Variants in IQSEC1 observed in about 807,000 individuals in gnomAD.
IQSEC1 encodes IQ motif and SEC7 domain-containing protein 1.
IQSEC1 carries 31 observed loss-of-function variants against 91.0 expected under a neutral mutation model. That is an observed-to-expected ratio of 0.34 (90% CI 0.26 to 0.46). The LOEUF is 0.46. Among genes scored for constraint, IQSEC1 ranks in the 20% least tolerant of loss-of-function variants. The pLI is 1.00. For missense variants in IQSEC1, 1,388 were observed against 1,575.6 expected (o/e 0.88, Z 2.02); for synonymous variants, 699 against 662.6 (o/e 1.05, Z -0.84).
intron 1 of IQSEC1, among the ~76,000 whole-genome samples, chr3:12,995,410 C>T (rs550194298): frequency 6.6e-6 from 1 of 152,362 alleles, no homozygotes; most frequent in South Asian, 2.1e-4. Flanking sequence ...CAGAAAGGCA[C>T]AGACGGATCA....
rs77473787 is a variant in IQSEC1, at chr3:12,969,304, G to A, written c.24-27439C>T. The stretch of plus-strand genomic sequence containing the variant: ...ATTTTTCTCCAAAGACAATCTACAA[G>A]TGGCCAATAAGCCCATGAAAAGATG... On this transcript the variant is annotated intron_variant, in intron 1 of 13. Transcript: ENST00000613206. Among the ~76,000 whole-genome samples the A allele has an allele frequency of 7.3e-3, 1,119 of 152,250 alleles. 16 individuals are homozygous for A. Among genetic ancestry groups the A allele is most frequent in the African/African-American group, 0.026 (1,078 of 41,544 alleles).
chr3:12,954,019 C>T (rs531032938), intron 1 of IQSEC1, among the ~76,000 whole-genome samples: 7 of 152,340 alleles, frequency 4.6e-5, no homozygotes, highest in East Asian at 1.9e-4. Context: ...AGCGCGTAGT[C>T]GGGTGGGGGA....
chr3:13,232,620 A>G (rs6767561), intron 1 of IQSEC1, among the ~76,000 whole-genome samples: 104,821 of 152,104 alleles, frequency 0.69, 37,636 homozygotes, highest in African/African-American at 0.89. Flanking sequence ...ACAGTCCACG[A>G]AAGTGAGCTG....
At chr3:12,953,569 C>T (rs1229952597) in intron 1 of IQSEC1, among the ~76,000 whole-genome samples, 1 of 152,180 alleles carries the variant, frequency 6.6e-6, no homozygotes, top group Non-Finnish European at 1.5e-5. Flanking sequence ...CTGACTGATC[C>T]AACATTGAGC....
At chr3:13,148,847 T>G (rs369796767) in intron 2 of IQSEC1, among the ~76,000 whole-genome samples, 1 of 152,264 alleles carries the variant, frequency 6.6e-6, no homozygotes, top group Admixed American at 6.5e-5. Flanking sequence ...TTAAAGGGGC[T>G]GAGAATGCAG....
At chr3:13,239,723 G>A (rs764676668) in intron 1 of IQSEC1, among the ~76,000 whole-genome samples, 11 of 152,258 alleles carry the variant, frequency 7.2e-5, no homozygotes, top group Non-Finnish European at 1.5e-4. Flanking sequence ...CACTGGACAC[G>A]TGGTACCACA....
chr3:13,134,822 A>G (rs1706680792), intron 2 of IQSEC1, among the ~76,000 whole-genome samples: 1 of 152,150 alleles, frequency 6.6e-6, no homozygotes, highest in African/African-American at 2.4e-5. Flanking sequence ...GAAGCAGTCA[A>G]GAGTCCCCAC....
chr3:13,254,975 A>T (rs1695261216), intron 1 of IQSEC1, among the ~76,000 whole-genome samples: 1 of 152,148 alleles, frequency 6.6e-6, no homozygotes, highest in Non-Finnish European at 1.5e-5. Context: ...GACAAGGCAC[A>T]TCCACACAGC....
intron 2 of IQSEC1, among the ~76,000 whole-genome samples, chr3:13,084,253 T>C (rs1457961470): frequency 6.6e-6 from 1 of 152,036 alleles, no homozygotes; most frequent in African/African-American, 2.4e-5. Context: ...ACACGGCAGG[T>C]CACCCAGCCC....
chr3:13,223,359 G>A (rs566356399), intron 1 of IQSEC1, among the ~76,000 whole-genome samples: 1 of 152,158 alleles, frequency 6.6e-6, no homozygotes, highest in Non-Finnish European at 1.5e-5. Flanking sequence ...GGAGGTCCCC[G>A]GGTCTCTGCT....
At position 13,205,227 on chromosome 3, in the gene IQSEC1, C is replaced by T. The variant is rs114973923; in HGVS notation, c.273-41094G>A. Reference sequence around the variant, plus strand: ...CAGGAAGGCTACAGCAGCAAGCCGACGTGTTCATGTTCTCAAAATTGGACC... The same window carrying T: ...CAGGAAGGCTACAGCAGCAAGCCGATGTGTTCATGTTCTCAAAATTGGACC... On this transcript the variant is annotated intron_variant, in intron 1 of 15. Transcript: ENST00000648114. Among the ~76,000 whole-genome samples, 308 of 152,198 alleles carry T rather than the reference C, an allele frequency of 2.0e-3. 1 individual carries two copies. The highest frequency in any genetic ancestry group is 7.0e-3 in the African/African-American group (291 of 41,496).
chr3:12,968,700 A>G (rs1700755783), intron 1 of IQSEC1, among the ~76,000 whole-genome samples: 1 of 152,218 alleles, frequency 6.6e-6, no homozygotes, highest in Non-Finnish European at 1.5e-5. Context: ...CACCTGTGGA[A>G]TGCCTAGACG....
At chr3:13,076,457 C>G (rs1051573578), upstream of IQSEC1, among the ~76,000 whole-genome samples, 3 of 152,210 alleles carry the variant, frequency 2.0e-5, no homozygotes, top group Admixed American at 2.0e-4. Context: ...TGCAGATCGG[C>G]TCACTCCTGC....
At chr3:12,988,372 G>A (rs1310490889) in intron 1 of IQSEC1, among the ~76,000 whole-genome samples, 2 of 152,108 alleles carry the variant, frequency 1.3e-5, no homozygotes, top group African/African-American at 2.4e-5. Flanking sequence ...CTGAGATTGC[G>A]CCAATGCACT....
At chr3:12,971,383 T>C (rs1215740451) in intron 1 of IQSEC1, among the ~76,000 whole-genome samples, 5 of 152,282 alleles carry the variant, frequency 3.3e-5, no homozygotes, top group African/African-American at 4.8e-5. Context: ...CATGTGCACA[T>C]AGAGGCATGC....
intron 2 of IQSEC1, among the ~76,000 whole-genome samples, chr3:13,155,229 A>T (rs1707065716): frequency 1.3e-5 from 2 of 152,208 alleles, no homozygotes; most frequent in Admixed American, 6.5e-5. Context: ...AGATTGACAA[A>T]ATTGACGATT....
At chr3:13,161,825 AC>A (rs1707181880) in intron 2 of IQSEC1, among the ~76,000 whole-genome samples, 1 of 151,882 alleles carries the variant, frequency 6.6e-6, no homozygotes, top group African/African-American at 2.4e-5. Flanking sequence ...CTGTCTGTGC[AC>A]CCTGCTGGGA....
chr3:13,192,547 G>A (rs1286541552), intron 1 of IQSEC1, among the ~76,000 whole-genome samples: 1 of 152,170 alleles, frequency 6.6e-6, no homozygotes, highest in Non-Finnish European at 1.5e-5. Flanking sequence ...CAGGAGGGAA[G>A]CAGGTATAGG....
At chr3:13,074,144 G>C (rs1429483487), upstream of IQSEC1, among the ~76,000 whole-genome samples, 1 of 152,256 alleles carries the variant, frequency 6.6e-6, no homozygotes, top group African/African-American at 2.4e-5. Flanking sequence ...AGGATGAAAA[G>C]AGAGCAGGAA....
Sources: allele counts gnomAD v4.1 joint callset (sites outside exome capture counted in the v4.1 genomes callset), GRCh38; gene constraint gnomAD v4.1.1; transcripts MANE v1.5; gene names NCBI Gene and HGNC (gene_info 2026-07-23, HGNC 2026-07-21).